PPP3CA: variants seen among roughly 807,000 people sequenced by gnomAD.
The protein encoded by PPP3CA is CAM-PRP catalytic subunit.
PPP3CA carries 14 observed loss-of-function variants against 66.5 expected under a neutral mutation model. The observed-to-expected ratio is 0.21, with a 90% confidence interval of 0.14 to 0.33. The LOEUF (loss-of-function observed/expected upper bound fraction) is 0.33. Ranked by LOEUF, PPP3CA falls within the 10% of genes least tolerant of loss-of-function variation. The pLI is 1.00. For synonymous variants in PPP3CA, 232 were observed against 226.2 expected, an observed-to-expected ratio of 1.03 and a Z score of -0.23; for missense variants, 317 against 639.5, an observed-to-expected ratio of 0.50 and a Z score of 5.44.
chr4:101,088,503 T>G (rs186336708), intron 6 of PPP3CA, among the ~76,000 whole-genome samples: 240 of 141,614 alleles, frequency 1.7e-3, no homozygotes, highest in Admixed American at 2.9e-3. Flanking sequence ...GAGAATGGTG[T>G]GAACCCAGGA....
intron 6 of PPP3CA, among the ~76,000 whole-genome samples, chr4:101,090,479 C>T (rs934739381): frequency 1.3e-5 from 2 of 151,474 alleles, no homozygotes; most frequent in African/African-American, 4.8e-5. Context: ...CCCGTCTCTA[C>T]TAAAAATAAA....
intron 1 of PPP3CA, among the ~76,000 whole-genome samples, chr4:101,288,910 T>C (rs1727929755): frequency 6.6e-6 from 1 of 151,964 alleles, no homozygotes; most frequent in African/African-American, 2.4e-5. Flanking sequence ...TCTTCATCCT[T>C]CCCCTTTTTG....
intron 2 of PPP3CA, among the ~76,000 whole-genome samples, chr4:101,180,313 T>C (rs1200671240): frequency 6.6e-6 from 1 of 152,096 alleles, no homozygotes; most frequent in African/African-American, 2.4e-5. Context: ...AACAAGTGGG[T>C]TCTACTCATG....
chr4:101,161,616 T>C (rs540086650), intron 2 of PPP3CA, among the ~76,000 whole-genome samples: 56 of 152,272 alleles, frequency 3.7e-4, no homozygotes, highest in African/African-American at 1.3e-3. Flanking sequence ...AATGCTCGGT[T>C]GGCAATTAGG....
At chr4:101,086,297 AAAG>A (rs1301350727) in intron 6 of PPP3CA, among the ~76,000 whole-genome samples, 1 of 152,138 alleles carries the variant, frequency 6.6e-6, no homozygotes, top group East Asian at 1.9e-4. Context: ...TCTGCTCGGA[AAAG>A]AAGAGGGATC....
At chr4:101,279,440 C>A (rs946025489) in intron 1 of PPP3CA, among the ~76,000 whole-genome samples, 2 of 152,184 alleles carry the variant, frequency 1.3e-5, no homozygotes, top group African/African-American at 4.8e-5. Context: ...TGACCAACAT[C>A]AGATACCTGA....
chr4:101,336,388 T>C (rs1028469965), intron 1 of PPP3CA, among the ~76,000 whole-genome samples: 13 of 150,064 alleles, frequency 8.7e-5, no homozygotes, highest in Non-Finnish European at 1.9e-4. Flanking sequence ...TTGACCAACA[T>C]AGTGAAACCC....
At chr4:101,102,656 ACT>A (rs1328862745) in intron 3 of PPP3CA, among the ~76,000 whole-genome samples, 1 of 152,178 alleles carries the variant, frequency 6.6e-6, no homozygotes, top group African/African-American at 2.4e-5. Flanking sequence ...ATTCTGAAGA[ACT>A]GAAGATCTTC....
chr4:101,325,550 A>T (rs1358275751), intron 1 of PPP3CA, among the ~76,000 whole-genome samples: 13 of 152,218 alleles, frequency 8.5e-5, no homozygotes, highest in Admixed American at 7.9e-4. Flanking sequence ...CTGTTAACTA[A>T]ATGAGTTAAT....
rs1413791908 is a variant in PPP3CA, at chr4:101,024,552, A to AAAGG, written c.*1309_*1312dup. On this transcript the variant is annotated 3_prime_UTR_variant, in exon 14 of 14. Transcript: ENST00000394854. The stretch of plus-strand genomic sequence containing the variant: ...CAGTTGTAACCCGTAACTGATATAC[A>AAAGG]AAGGGAAAAAAGTGAAAAAAGTACA... 2 of 152,646 alleles carry AAAGG rather than the reference A, an allele frequency of 1.3e-5. No homozygotes were observed. Among genetic ancestry groups the AAAGG allele is most frequent in the Non-Finnish European group, 2.9e-5 (2 of 68,038 alleles). The allele number at this position is 152,646 out of a possible 1,614,324, so 9.5% of individuals were successfully genotyped here. A position where few individuals can be genotyped will look rare whatever the true frequency, so the allele number is the denominator to read the frequency against.
chr4:101,298,826 T>C (rs902293658), intron 1 of PPP3CA, among the ~76,000 whole-genome samples: 2 of 149,138 alleles, frequency 1.3e-5, no homozygotes, highest in African/African-American at 2.5e-5. Context: ...AGTCCCCAAA[T>C]TGTTCAAGGG....
intron 2 of PPP3CA, among the ~76,000 whole-genome samples, chr4:101,168,188 G>A (rs1723754626): frequency 6.6e-6 from 1 of 152,142 alleles, no homozygotes; most frequent in Non-Finnish European, 1.5e-5. Context: ...TAAAGACAGA[G>A]CTAAAAGAAC....
intron 12 of PPP3CA, among the ~76,000 whole-genome samples, chr4:101,031,593 T>C (rs10015787): frequency 0.3 from 46,118 of 152,072 alleles, 7,867 homozygotes; most frequent in African/African-American, 0.45. Context: ...TCAACAGTCA[T>C]ATGCGGCTTC....
chr4:101,066,589 C>T (rs968630823), intron 8 of PPP3CA, among the ~76,000 whole-genome samples: 14 of 152,052 alleles, frequency 9.2e-5, no homozygotes, highest in African/African-American at 3.4e-4. Flanking sequence ...TTCAGCAACA[C>T]ATTTATGCAA....
chr4:101,030,462 A>G (rs1454920478), intron 12 of PPP3CA, among the ~76,000 whole-genome samples: 1 of 150,858 alleles, frequency 6.6e-6, no homozygotes, highest in Non-Finnish European at 1.5e-5. Flanking sequence ...AGTCGTATCA[A>G]TGTATGTGGT....
In PPP3CA at chr4:101,139,555, C is replaced by T. The variant is rs17829777; in HGVS notation, c.260-30477G>A. ...TGTGGGAGCTCACAAATACTTTATT[C>T]GACCCCTAAAAGAATATGACAGATG... On this transcript the variant is annotated intron_variant, in intron 2 of 13. Coordinates refer to ENST00000394854, the MANE Select transcript of PPP3CA (RefSeq NM_000944.5). Among the ~76,000 whole-genome samples, 118 of 151,984 alleles carry T rather than the reference C, an allele frequency of 7.8e-4. 1 individual carries two copies. In the South Asian group the frequency reaches 0.012, roughly 15 times the overall value.
chr4:101,198,454 A>T (rs976530928), intron 1 of PPP3CA, among the ~76,000 whole-genome samples: 1 of 152,184 alleles, frequency 6.6e-6, no homozygotes, highest in Non-Finnish European at 1.5e-5. Context: ...CTGAATTTTT[A>T]AAAAATGATT....
chr4:101,253,826 G>T (rs908247559), intron 1 of PPP3CA, among the ~76,000 whole-genome samples: 5 of 152,006 alleles, frequency 3.3e-5, no homozygotes, highest in Non-Finnish European at 7.4e-5. Context: ...AAGAGGGGAA[G>T]AGGCAGCACC....
chr4:101,076,768 T>C lies in PPP3CA; in HGVS notation c.955+3764A>G, dbSNP rs368782610. On this transcript the variant is annotated intron_variant, in intron 8 of 13. Transcript: ENST00000394854. ...AAACTGAGGAATAAGGGAATTTTCC[T>C]GCGAGCTTCTGTGAAGCTTTGCACT... Among the ~76,000 whole-genome samples, 281 of 152,362 alleles carry C rather than the reference T, an allele frequency of 1.8e-3. 1 individual carries two copies. Among genetic ancestry groups the C allele is most frequent in the African/African-American group, 6.6e-3 (273 of 41,582 alleles).
Sources: gnomAD v4.1 joint callset for allele counts (sites outside exome capture counted in the v4.1 genomes callset) on GRCh38, gnomAD v4.1.1 for gene constraint, MANE v1.5 for transcripts, NCBI Gene and HGNC (gene_info 2026-07-23, HGNC 2026-07-21) for gene names.